Variants in FGF14 observed in about 807,000 individuals in gnomAD.
FGF14 encodes fibroblast growth factor 14, also known as fibroblast growth factor homologous factor 4.
FGF14 carries 5 observed loss-of-function variants against 25.5 expected under a neutral mutation model. The observed-to-expected ratio is 0.20, with a 90% CI of 0.10 to 0.41. The LOEUF (loss-of-function observed/expected upper bound fraction) is 0.41. Among genes scored for constraint, FGF14 ranks in the 10% least tolerant of loss-of-function variants. The pLI is 1.00. For synonymous variants in FGF14, 138 were observed against 118.3 expected (o/e 1.17, Z -1.08); for missense variants, 222 against 320.1 (o/e 0.69, Z 2.34).
At chr13:102,172,344 T>C (rs1394800400) in intron 1 of FGF14, among the ~76,000 whole-genome samples, 2 of 151,926 alleles carry the variant, frequency 1.3e-5, no homozygotes, top group Non-Finnish European at 2.9e-5. Context: ...GACAAACCCT[T>C]AGAAAGTTGT....
intron 1 of FGF14, among the ~76,000 whole-genome samples, chr13:102,332,380 GTATGTTAATATTTTAAAAA>G (rs1403973139): frequency 6.6e-6 from 1 of 152,066 alleles, no homozygotes; most frequent in Non-Finnish European, 1.5e-5. Flanking sequence ...AGATGCCATT[GTATGTTAATATTTTAAAAA>G]TATATCTTAA....
chr13:101,963,179 TTTTC>T (rs1301418322), intron 1 of FGF14, among the ~76,000 whole-genome samples: 1 of 152,254 alleles, frequency 6.6e-6, no homozygotes, highest in African/African-American at 2.4e-5. Flanking sequence ...TGTTGGTTTC[TTTTC>T]TAAGGACCAT....
chr13:101,959,753 C>G (rs113273792), intron 1 of FGF14, among the ~76,000 whole-genome samples: 295 of 152,300 alleles, frequency 1.9e-3, no homozygotes, highest in Non-Finnish European at 3.2e-3. Flanking sequence ...TGATCTTGCA[C>G]TATAGTGATT....
chr13:102,044,011 A>G (rs589992), intron 1 of FGF14, among the ~76,000 whole-genome samples: 83,918 of 152,150 alleles, frequency 0.55, 26,099 homozygotes, highest in African/African-American at 0.84. Context: ...GTGGAACTGC[A>G]TAGAAATGAC....
chr13:102,095,894 T>A (rs755012728), intron 1 of FGF14, among the ~76,000 whole-genome samples: 1 of 151,994 alleles, frequency 6.6e-6, no homozygotes, highest in African/African-American at 2.4e-5. Flanking sequence ...TCAAAAGTTA[T>A]ATATGAATTT....
At chr13:102,212,371 G>T (rs1253737142) in intron 1 of FGF14, among the ~76,000 whole-genome samples, 1 of 152,140 alleles carries the variant, frequency 6.6e-6, no homozygotes, top group Admixed American at 6.5e-5. Flanking sequence ...AATAGTCCCA[G>T]AAACTTACCA....
Position 102,152,067 on chromosome 13 carries a change from T to A in FGF14, c.208+249404A>T, listed in dbSNP as rs16959848. On this transcript the variant is annotated intron_variant, in intron 1 of 4. Transcript: ENST00000376131. ...AGTGGTGGCTTTTCATTCTACCCAATACGAAGCACGGATATTTATGGTATT... is the reference window on the plus strand; with the variant it reads ...AGTGGTGGCTTTTCATTCTACCCAAAACGAAGCACGGATATTTATGGTATT... 3.8e-3 allele frequency among the ~76,000 whole-genome samples: 571 copies of A among 152,198 alleles called. 6 individuals carry two copies. The highest frequency in any genetic ancestry group is 0.012 in the African/African-American group (502 of 41,526).
chr13:101,851,469 ACC>A (rs1278165248), intron 3 of FGF14, among the ~76,000 whole-genome samples: 4 of 152,086 alleles, frequency 2.6e-5, no homozygotes, highest in Non-Finnish European at 4.4e-5. Flanking sequence ...GTACTTTGTT[ACC>A]GCAGTCCTAG....
chr13:102,344,799 A>C (rs1374253583), intron 1 of FGF14, among the ~76,000 whole-genome samples: 1 of 152,224 alleles, frequency 6.6e-6, no homozygotes, highest in Admixed American at 6.5e-5. Flanking sequence ...GTCCAGGTAA[A>C]GAAAGGTGCA....
intron 3 of FGF14, among the ~76,000 whole-genome samples, chr13:101,824,814 C>T (rs2042324193): frequency 6.6e-6 from 1 of 151,980 alleles, no homozygotes; most frequent in Non-Finnish European, 1.5e-5. Flanking sequence ...AGTTGATCAC[C>T]AATGATTTTA....
At chr13:102,394,504 T>C (rs2058521303) in intron 1 of FGF14, 1 of 152,524 alleles carries the variant, frequency 6.6e-6, no homozygotes, top group South Asian at 2.1e-4. Flanking sequence ...CCGGCCGCCA[T>C]GGTTTCCATA....
intron 1 of FGF14, among the ~76,000 whole-genome samples, chr13:102,391,834 C>T (rs1271873235): frequency 2.6e-5 from 4 of 152,196 alleles, no homozygotes; most frequent in African/African-American, 9.6e-5. Flanking sequence ...CTCAGTTCTC[C>T]TAGCAGACAG....
At chr13:102,141,533 T>A (rs901520113) in intron 1 of FGF14, among the ~76,000 whole-genome samples, 5 of 152,196 alleles carry the variant, frequency 3.3e-5, no homozygotes, top group Admixed American at 2.0e-4. Context: ...TCTCAAAGAA[T>A]AACAGCATTT....
At chr13:102,322,078 C>T (rs1393251444) in intron 1 of FGF14, among the ~76,000 whole-genome samples, 1 of 152,172 alleles carries the variant, frequency 6.6e-6, no homozygotes, top group Non-Finnish European at 1.5e-5. Context: ...CTTTTCCTTC[C>T]AGCATTCACT....
chr13:102,231,594 G>A (rs1335500802), intron 1 of FGF14, among the ~76,000 whole-genome samples: 1 of 152,132 alleles, frequency 6.6e-6, no homozygotes, highest in African/African-American at 2.4e-5. Context: ...TCAGCATTCA[G>A]TAACTGACAA....
At chr13:102,204,672 G>T (rs927705466) in intron 1 of FGF14, among the ~76,000 whole-genome samples, 1 of 151,876 alleles carries the variant, frequency 6.6e-6, no homozygotes, top group Non-Finnish European at 1.5e-5. Flanking sequence ...TCAGCCTCCC[G>T]AGTAGCTGGG....
intron 1 of FGF14, among the ~76,000 whole-genome samples, chr13:102,203,601 A>G (rs1266655584): frequency 1.3e-5 from 2 of 152,208 alleles, no homozygotes; most frequent in Non-Finnish European, 2.9e-5. Flanking sequence ...ATTATGTTTT[A>G]TTATTTTTAA....
chr13:102,018,274 AC>A (rs754141143), intron 1 of FGF14, among the ~76,000 whole-genome samples: 3 of 152,202 alleles, frequency 2.0e-5, no homozygotes, highest in Non-Finnish European at 4.4e-5. Context: ...GGTTTTGTAC[AC>A]CACCTGGTGT....
chr13:102,079,640 C>T (rs1278445046), intron 1 of FGF14, among the ~76,000 whole-genome samples: 1 of 152,072 alleles, frequency 6.6e-6, no homozygotes, highest in East Asian at 1.9e-4. Context: ...TACTGGGGCA[C>T]AGCAGTGAAC....
Sources: gnomAD v4.1 joint callset for allele counts (sites outside exome capture counted in the v4.1 genomes callset) on GRCh38, gnomAD v4.1.1 for gene constraint, MANE v1.5 for transcripts, NCBI Gene and HGNC (gene_info 2026-07-23, HGNC 2026-07-21) for gene names.